IKZF2: variants seen among roughly 807,000 people sequenced by gnomAD.
The protein encoded by IKZF2 is zinc finger protein Helios.
A neutral mutation model predicts 49.2 loss-of-function variants in IKZF2; 15 were observed. The ratio of observed to expected loss-of-function variants is 0.30; its 90% CI spans 0.20 to 0.47. IKZF2 has a LOEUF of 0.47. IKZF2 is among the 20% of genes least tolerant of loss of function. The pLI is 1.00. For missense variants in IKZF2, 567 were observed against 664.6 expected, an observed-to-expected ratio of 0.85 and a Z score of 1.61; for synonymous variants, 227 against 221.4, an observed-to-expected ratio of 1.03 and a Z score of -0.23.
At chr2:213,128,511 G>A (rs1574943809) in intron 4 of IKZF2, among the ~76,000 whole-genome samples, 1 of 152,234 alleles carries the variant, frequency 6.6e-6, no homozygotes, top group East Asian at 1.9e-4. Context: ...CCAGGTCTAT[G>A]TAATATGAAA....
chr2:213,053,480 G>C (rs1367791582), intron 5 of IKZF2, among the ~76,000 whole-genome samples: 1 of 152,006 alleles, frequency 6.6e-6, no homozygotes, highest in East Asian at 1.9e-4. Flanking sequence ...ACTTGCTTTG[G>C]TGAATCAAAG....
At chr2:213,049,090 AT>A (rs1459096232) in intron 6 of IKZF2, among the ~76,000 whole-genome samples, 5 of 151,838 alleles carry the variant, frequency 3.3e-5, no homozygotes, top group Admixed American at 2.0e-4. Flanking sequence ...CATTAAATTT[AT>A]TTTTTTCTTT....
At chr2:213,012,655 T>TAA (rs1402225356) in intron 8 of IKZF2, among the ~76,000 whole-genome samples, 1 of 151,962 alleles carries the variant, frequency 6.6e-6, no homozygotes, top group Non-Finnish European at 1.5e-5. Context: ...GAGTTCTCAA[T>TAA]AAATCCCTCC....
chr2:213,054,325 C>T (rs1031835191), intron 5 of IKZF2, among the ~76,000 whole-genome samples: 1 of 152,114 alleles, frequency 6.6e-6, no homozygotes, highest in African/African-American at 2.4e-5. Context: ...GGTTTTAAGA[C>T]AGTATCTTTA....
At chr2:213,092,341 T>C (rs992992521) in intron 4 of IKZF2, among the ~76,000 whole-genome samples, 1 of 152,184 alleles carries the variant, frequency 6.6e-6, no homozygotes, top group South Asian at 2.1e-4. Context: ...AAGCTATCTT[T>C]TATAAACTGT....
At chr2:213,062,800 T>C (rs2125424835) in intron 4 of IKZF2, among the ~76,000 whole-genome samples, 1 of 152,104 alleles carries the variant, frequency 6.6e-6, no homozygotes, top group East Asian at 1.9e-4. Flanking sequence ...TCTACACTAA[T>C]ATAACTCTCT....
rs369246433 is a variant in IKZF2, at chr2:213,148,782, T to C, written c.-15-138A>G. On this transcript the variant is annotated intron_variant, in intron 2 of 8. Coordinates refer to ENST00000434687, the MANE Select transcript of IKZF2 (RefSeq NM_001387220.1). ...GTGCCCAGAAACATACACAGTGTAC[T>C]GTATGTGCTCATTTGCAAGTCACTG... is the stretch of plus-strand genomic sequence containing the variant. 1.8e-4 allele frequency: 113 copies of C among 632,402 alleles called. 4 individuals carry two copies. Among genetic ancestry groups the C allele is most frequent in the East Asian group, 1.1e-3 (39 of 35,878 alleles). 39.2% of individuals were successfully genotyped at this position (632,402 alleles called of 1,614,324 possible).
intron 6 of IKZF2, among the ~76,000 whole-genome samples, chr2:213,036,892 T>G (rs546693713): frequency 6.6e-6 from 1 of 151,950 alleles, no homozygotes; most frequent in African/African-American, 2.4e-5. Context: ...TAGGAAAAAT[T>G]GAAAGAAATG....
At chr2:213,083,577 T>A (rs1235239169) in intron 4 of IKZF2, among the ~76,000 whole-genome samples, 1 of 146,176 alleles carries the variant, frequency 6.8e-6, no homozygotes, top group Non-Finnish European at 1.5e-5. Context: ...TTTTTTTGTA[T>A]TTTTAGTAGA....
chr2:213,133,843 G>C (rs548009667), intron 4 of IKZF2, among the ~76,000 whole-genome samples: 5 of 151,988 alleles, frequency 3.3e-5, no homozygotes, highest in Non-Finnish European at 7.4e-5. Flanking sequence ...CACATTCTAT[G>C]CTAGATGTAA....
chr2:213,061,918 C>A (rs1449322434), intron 4 of IKZF2, among the ~76,000 whole-genome samples: 2 of 151,486 alleles, frequency 1.3e-5, no homozygotes, highest in Non-Finnish European at 3.0e-5. Flanking sequence ...AAAGGCACTT[C>A]TTTAAAACCT....
At chr2:213,132,157 C>T (rs746828917) in intron 4 of IKZF2, among the ~76,000 whole-genome samples, 8 of 152,070 alleles carry the variant, frequency 5.3e-5, no homozygotes, top group South Asian at 2.1e-4. Context: ...CTATCCCAGT[C>T]GGTTAGGTGC....
chr2:213,084,089 C>G (rs555120521), intron 4 of IKZF2, among the ~76,000 whole-genome samples: 3 of 152,128 alleles, frequency 2.0e-5, no homozygotes, highest in Non-Finnish European at 4.4e-5. Context: ...AATACCCAAA[C>G]TGACACTTGT....
At chr2:213,044,500 T>C (rs1199476654) in intron 6 of IKZF2, among the ~76,000 whole-genome samples, 1 of 152,178 alleles carries the variant, frequency 6.6e-6, no homozygotes, top group Admixed American at 6.5e-5. Flanking sequence ...GGGACAGTAG[T>C]GATCCAAGGC....
intron 4 of IKZF2, among the ~76,000 whole-genome samples, chr2:213,058,551 A>G (rs1701384205): frequency 6.6e-6 from 1 of 151,948 alleles, no homozygotes; most frequent in Non-Finnish European, 1.5e-5. Context: ...TCTGAGATCT[A>G]CAAAGTGATA....
chr2:213,145,956 A>G (rs141390573), intron 4 of IKZF2, among the ~76,000 whole-genome samples: 1 of 152,192 alleles, frequency 6.6e-6, no homozygotes, highest in African/African-American at 2.4e-5. Flanking sequence ...TGCACTGTTT[A>G]TTTAAAAAGA....
chr2:213,143,004 C>A (rs1219715157), intron 4 of IKZF2, among the ~76,000 whole-genome samples: 2 of 151,570 alleles, frequency 1.3e-5, no homozygotes, highest in Non-Finnish European at 2.9e-5. Flanking sequence ...AACAGGCCAA[C>A]AAATACATTT....
intron 4 of IKZF2, among the ~76,000 whole-genome samples, chr2:213,065,125 G>GT (rs1032389333): frequency 2.0e-5 from 3 of 151,802 alleles, no homozygotes; most frequent in African/African-American, 7.3e-5. Context: ...TACTTACTAG[G>GT]TTTTTTTGTT....
intron 4 of IKZF2, among the ~76,000 whole-genome samples, chr2:213,100,759 G>A (rs1454365125): frequency 6.6e-6 from 1 of 151,932 alleles, no homozygotes; most frequent in African/African-American, 2.4e-5. Context: ...CAGTACCTGT[G>A]GCTACTCTAG....
Sources: gnomAD v4.1 joint callset for allele counts (sites outside exome capture counted in the v4.1 genomes callset) on GRCh38, gnomAD v4.1.1 for gene constraint, MANE v1.5 for transcripts, NCBI Gene and HGNC (gene_info 2026-07-23, HGNC 2026-07-21) for gene names.